Variants in GINS1 observed in about 807,000 individuals in gnomAD.
GINS1 encodes the protein GINS complex subunit 1.
Under a neutral mutation model 34.9 loss-of-function variants are expected in GINS1, and 26 were observed. The ratio of observed to expected loss-of-function variants is 0.74; its 90% CI spans 0.55 to 1.03. GINS1 has a LOEUF of 1.03. GINS1 is among the 50% of genes least tolerant of loss of function. The pLI, the probability that GINS1 is intolerant of heterozygous loss-of-function variation, is 0.00. For missense variants in GINS1, 235 were observed against 237.9 expected (o/e 0.99, Z 0.08); for synonymous variants, 97 against 84.4 (o/e 1.15, Z -0.82).
At chr20:25,444,964 C>T (rs1380503555) in intron 6 of GINS1, among the ~76,000 whole-genome samples, 2 of 152,126 alleles carry the variant, frequency 1.3e-5, no homozygotes, top group Non-Finnish European at 2.9e-5. Context: ...GAGAAATGAG[C>T]GTTTCATGGG....
At chr20:25,428,969 C>CTCTTTTTTTTTTTTTTTTTTT (rs2090410211) in intron 5 of GINS1, among the ~76,000 whole-genome samples, 1 of 127,442 alleles carries the variant, frequency 7.8e-6, no homozygotes, top group Non-Finnish European at 1.6e-5. Flanking sequence ...ATTCCTCTCT[C>CTCTTTTTTTTTTTTTTTTTTT]TTTTTTTTTT....
At chr20:25,442,444 T>G (rs1162911907) in intron 6 of GINS1, among the ~76,000 whole-genome samples, 1 of 152,012 alleles carries the variant, frequency 6.6e-6, no homozygotes, top group Non-Finnish European at 1.5e-5. Flanking sequence ...TCTCAAACTC[T>G]CCTGGGCTCA....
At position 25,420,752 on chromosome 20, in the gene GINS1, G is replaced by C. The variant is rs189396912; in HGVS notation, c.330+2557G>C. 2,389 of 466,452 alleles carry C rather than the reference G, an allele frequency of 5.1e-3. 8 individuals carry two copies. The highest frequency in any genetic ancestry group is 7.9e-3 in the Middle Eastern group (7 of 888). 28.9% of individuals were successfully genotyped at this position (466,452 alleles called of 1,614,324 possible). ...AGCTGAGATCGCACCACTGCACTCTGGTCTGGGAGAGAGAGTGAGACCCTG... is the reference window on the plus strand; with the variant it reads ...AGCTGAGATCGCACCACTGCACTCTCGTCTGGGAGAGAGAGTGAGACCCTG... On this transcript the variant is annotated intron_variant, in intron 4 of 6. Transcript: ENST00000262460.
At chr20:25,422,358 G>C (rs2090360649) in intron 4 of GINS1, among the ~76,000 whole-genome samples, 1 of 151,746 alleles carries the variant, frequency 6.6e-6, no homozygotes, top group Non-Finnish European at 1.5e-5. Flanking sequence ...TGGATTGCCT[G>C]AGCTCACGAG....
intron 1 of GINS1, among the ~76,000 whole-genome samples, chr20:25,410,503 C>A (rs988564074): frequency 1.3e-5 from 2 of 152,146 alleles, no homozygotes; most frequent in African/African-American, 4.8e-5. Context: ...TCCGACTCAG[C>A]GGCACAGAGG....
At chr20:25,419,699 G>A (rs1600925107) in intron 4 of GINS1, 1 of 448,076 alleles carries the variant, frequency 2.2e-6, no homozygotes, top group Non-Finnish European at 3.7e-6. Flanking sequence ...ATCTCGCTCT[G>A]TTGCCCAGGC....
chr20:25,447,228 C>CA lies in GINS1; in HGVS notation c.*1238dup, dbSNP rs1293173798. ...CTAATTTTTGTATTTTTAGTAGAGA[C>CA]AGAGTTTTACCATGTTGGCCAGGCT... On this transcript the variant is annotated 3_prime_UTR_variant, in exon 7 of 7. Transcript: ENST00000262460. 1 of 152,118 alleles carries CA rather than the reference C, an allele frequency of 6.6e-6. No individual in the cohort carries two copies. Among genetic ancestry groups the CA allele is most frequent in the Admixed American group, 6.6e-5 (1 of 15,248 alleles). 9.4% of individuals were successfully genotyped at this position (152,118 alleles called of 1,614,324 possible). A position where few individuals can be genotyped will look rare whatever the true frequency, so the allele number is the denominator to read the frequency against.
intron 5 of GINS1, among the ~76,000 whole-genome samples, chr20:25,436,843 C>T (rs983070713): frequency 2.0e-5 from 3 of 152,110 alleles, no homozygotes; most frequent in Admixed American, 1.3e-4. Context: ...ATGGACCATA[C>T]TTTTATGTTT....
chr20:25,410,105 G>A (rs1254394756), intron 1 of GINS1, among the ~76,000 whole-genome samples: 1 of 152,168 alleles, frequency 6.6e-6, no homozygotes, highest in African/African-American at 2.4e-5. Flanking sequence ...ACTTTGGGAG[G>A]CTGAGGCGGG....
chr20:25,422,698 T>C (rs1001305926), intron 4 of GINS1, among the ~76,000 whole-genome samples: 1 of 152,252 alleles, frequency 6.6e-6, no homozygotes, highest in African/African-American at 2.4e-5. Flanking sequence ...GCAGTATCCT[T>C]TAATGATTGA....
chr20:25,432,594 G>T (rs2090793653), intron 5 of GINS1, among the ~76,000 whole-genome samples: 1 of 151,954 alleles, frequency 6.6e-6, no homozygotes, highest in African/African-American at 2.4e-5. Context: ...AGCCTCCCGA[G>T]TAGCTGGGAT....
intron 4 of GINS1, chr20:25,421,130 C>T (rs529225388): frequency 1.8e-5 from 3 of 167,182 alleles, no homozygotes; most frequent in African/African-American, 7.2e-5. Context: ...GCCTTGTTAA[C>T]TCTGAGCCCT....
Position 25,448,196 on chromosome 20 carries a change from C to T in GINS1, c.*2205C>T, listed in dbSNP as rs765594744. On this transcript the variant is annotated 3_prime_UTR_variant, in exon 7 of 7. Coordinates refer to ENST00000262460, the MANE Select transcript of GINS1 (RefSeq NM_021067.5). ...AACAACAAAAACCCCTGTTGGGCAC[C>T]TTGATTGAGATTGCATTGAATTTAT... 3 of 152,132 alleles carry T rather than the reference C, an allele frequency of 2.0e-5. No homozygotes were observed. The highest frequency in any genetic ancestry group is 4.4e-5 in the Non-Finnish European group (3 of 68,022). 9.4% of individuals were successfully genotyped at this position (152,132 alleles called of 1,614,324 possible).
At chr20:25,445,861 A>T in intron 6 of GINS1, 62 bp from the exon 7 acceptor site, 2 of 1,032,630 alleles carry the variant, frequency 1.9e-6, no homozygotes, top group South Asian at 2.8e-5. Flanking sequence ...TACAAGAAAT[A>T]ATTTCAAATT....
chr20:25,442,781 A>G lies in GINS1; in HGVS notation c.522+1005A>G, dbSNP rs1046928342. Reference sequence around the variant, plus strand: ...GCCACTACACCCAGTTAATTTTTGTAATTTTTGTAGAGACGGAGTTTCACC... The same window carrying G: ...GCCACTACACCCAGTTAATTTTTGTGATTTTTGTAGAGACGGAGTTTCACC... On this transcript the variant is annotated intron_variant, in intron 6 of 6. Transcript: ENST00000262460. Among the ~76,000 whole-genome samples, 5 of 151,066 alleles carry G rather than the reference A, an allele frequency of 3.3e-5. No individual in the cohort carries two copies. In the East Asian group the frequency reaches 9.8e-4, roughly 30 times the overall value.
At chr20:25,408,154 A>G (rs1316139272) in intron 1 of GINS1, among the ~76,000 whole-genome samples, 2 of 152,174 alleles carry the variant, frequency 1.3e-5, no homozygotes, top group African/African-American at 4.8e-5. Context: ...GGTCCCTTAA[A>G]ATATTTACAG....
intron 5 of GINS1, among the ~76,000 whole-genome samples, chr20:25,436,841 T>C (rs775593343): frequency 6.6e-6 from 1 of 152,200 alleles, no homozygotes; most frequent in Non-Finnish European, 1.5e-5. Context: ...GAATGGACCA[T>C]ACTTTTATGT....
chr20:25,429,194 T>C (rs2090413206), intron 5 of GINS1, among the ~76,000 whole-genome samples: 1 of 151,998 alleles, frequency 6.6e-6, no homozygotes, highest in African/African-American at 2.4e-5. Context: ...TTCACCATGT[T>C]GGCTAGGCTG....
chr20:25,410,717 A>G (rs2146184454), intron 1 of GINS1, among the ~76,000 whole-genome samples: 1 of 152,098 alleles, frequency 6.6e-6, no homozygotes, highest in East Asian at 2.0e-4. Flanking sequence ...GCCTGCCACC[A>G]TGCCCAGATA....
Sources: allele counts gnomAD v4.1 joint callset (sites outside exome capture counted in the v4.1 genomes callset), GRCh38; gene constraint gnomAD v4.1.1; transcripts MANE v1.5; gene names NCBI Gene and HGNC (gene_info 2026-07-23, HGNC 2026-07-21).